The following KRAS variants were observed in gnomAD, a reference collection of about 807,000 sequenced individuals.
KRAS encodes KRas proto-oncogene, GTPase.
A neutral mutation model predicts 21.0 loss-of-function variants in KRAS; 1 was observed. The ratio of observed to expected loss-of-function variants is 0.05; its 90% CI spans 0.02 to 0.23. The LOEUF (loss-of-function observed/expected upper bound fraction) is 0.23. KRAS is among the 10% of genes least tolerant of loss of function. The probability of loss-of-function intolerance (pLI) is 1.00; values close to 1 mark genes in which losing one functional copy is unlikely to be tolerated. For missense variants in KRAS, 107 were observed against 221.8 expected (o/e 0.48, Z 3.29); for synonymous variants, 67 against 72.5 (o/e 0.92, Z 0.39).
Position 25,209,426 on chromosome 12 carries a change from A to T in KRAS, c.*369T>A, listed in dbSNP as rs2141481054. The T allele has an allele frequency of 9.8e-6, 10 of 1,025,516 alleles. No homozygotes were observed. Among genetic ancestry groups the T allele is most frequent in the South Asian group, 2.8e-5 (1 of 36,098 alleles). The allele number at this position is 1,025,516 out of a possible 1,614,324, so 63.5% of individuals were successfully genotyped here. On this transcript the variant is annotated 3_prime_UTR_variant, in exon 5 of 5. Transcript: ENST00000311936. ...GTAATTAATCCATTTATGTGACTAGATAAAACACAGAATAGGGATGATTCA... is the reference window on the plus strand; with the variant it reads ...GTAATTAATCCATTTATGTGACTAGTTAAAACACAGAATAGGGATGATTCA...
intron 4 of KRAS, among the ~76,000 whole-genome samples, chr12:25,220,376 T>C (rs1360077399): frequency 6.6e-6 from 1 of 152,216 alleles, no homozygotes; most frequent in Non-Finnish European, 1.5e-5. Context: ...GCCAAGTAAT[T>C]AGCTTTTTAA....
At position 25,205,338 on chromosome 12, in the gene KRAS, T is replaced by C. The variant is rs1383471172; in HGVS notation, c.*4457A>G. 6 of 213,960 alleles carry C rather than the reference T, an allele frequency of 2.8e-5. No individual in the cohort carries two copies. Among genetic ancestry groups the C allele is most frequent in the African/African-American group, 4.5e-5 (2 of 44,282 alleles). 13.3% of individuals were successfully genotyped at this position (213,960 alleles called of 1,614,324 possible). On this transcript the variant is annotated 3_prime_UTR_variant, in exon 5 of 5. Transcript: ENST00000311936. ...AAATTTTAGATCACTTCACAGCACA[T>C]ACTCCTATAAACATTTAAAAGTTAA...
At chr12:25,250,370 G>A (rs993886498) in intron 1 of KRAS, among the ~76,000 whole-genome samples, 4 of 152,132 alleles carry the variant, frequency 2.6e-5, no homozygotes, top group Non-Finnish European at 5.9e-5. Context: ...CCGGGGCGCC[G>A]CGGGAGTAAC....
intron 3 of KRAS, among the ~76,000 whole-genome samples, chr12:25,226,064 A>C (rs569500541): frequency 1.4e-4 from 21 of 152,344 alleles, no homozygotes; most frequent in African/African-American, 4.6e-4. Context: ...CTACTGAAAA[A>C]TTCTAGACCC....
chr12:25,242,589 G>A (rs1951624485), intron 2 of KRAS, among the ~76,000 whole-genome samples: 1 of 152,112 alleles, frequency 6.6e-6, no homozygotes, highest in African/African-American at 2.4e-5. Flanking sequence ...AGGTGATTAT[G>A]TGCACAGCCT....
chr12:25,229,853 C>T (rs1951442871), intron 2 of KRAS, among the ~76,000 whole-genome samples: 1 of 151,014 alleles, frequency 6.6e-6, no homozygotes, highest in Admixed American at 6.6e-5. Context: ...ACTACAACCT[C>T]TGCCTCCTGG....
chr12:25,222,382 C>A (rs560601775), intron 4 of KRAS, among the ~76,000 whole-genome samples: 1 of 151,784 alleles, frequency 6.6e-6, no homozygotes, highest in South Asian at 2.1e-4. Flanking sequence ...TTAATTTCAA[C>A]GGAGGAAGAT....
chr12:25,215,495 G>C (rs2141488892), intron 4 of KRAS: 1 of 1,611,272 alleles, frequency 6.2e-7, no homozygotes, highest in African/African-American at 1.3e-5. Flanking sequence ...TTTCTTCTTT[G>C]CTGATTTTTT....
At chr12:25,222,164 G>A (rs1261888866) in intron 4 of KRAS, among the ~76,000 whole-genome samples, 1 of 144,466 alleles carries the variant, frequency 6.9e-6, no homozygotes, top group African/African-American at 2.5e-5. Flanking sequence ...AAAAAAACAA[G>A]AAAGAAAGAA....
intron 4 of KRAS, among the ~76,000 whole-genome samples, chr12:25,216,877 T>C (rs1951261373): frequency 1.3e-5 from 2 of 152,190 alleles, no homozygotes; most frequent in African/African-American, 4.8e-5. Context: ...AATCTATATA[T>C]AGTGCAAATT....
rs1235652979 is a variant in KRAS, at chr12:25,208,644, AC to A, written c.*1150del. ...CTCTTGATTTGTCAGCAGGACCACC[AC>A]AGAGTGAGATTGTATCTTGTTGAGC... On this transcript the variant is annotated 3_prime_UTR_variant, in exon 5 of 5. Transcript: ENST00000311936. 3.9e-5 allele frequency: 9 copies of A among 233,024 alleles called. No homozygotes were observed. The East Asian group carries it at 4.3e-4, about 11-fold the overall frequency. 14.4% of individuals were successfully genotyped at this position (233,024 alleles called of 1,614,324 possible).
At chr12:25,241,990 A>G (rs1244782158) in intron 2 of KRAS, among the ~76,000 whole-genome samples, 1 of 152,224 alleles carries the variant, frequency 6.6e-6, no homozygotes, top group African/African-American at 2.4e-5. Context: ...TACATACTTC[A>G]TTCGTAGGTA....
chr12:25,230,274 A>T (rs1173358075), intron 2 of KRAS, among the ~76,000 whole-genome samples: 1 of 152,184 alleles, frequency 6.6e-6, no homozygotes, highest in Non-Finnish European at 1.5e-5. Context: ...GTGTTTAAAA[A>T]CTGGTAATAT....
chr12:25,233,939 T>C (rs180903321), intron 2 of KRAS: 325 of 193,284 alleles, frequency 1.7e-3, no homozygotes, highest in Non-Finnish European at 2.4e-3. Flanking sequence ...TCTCAAATAT[T>C]CTGAAGATAC....
At chr12:25,228,529 T>G (rs1033134441) in intron 2 of KRAS, among the ~76,000 whole-genome samples, 1 of 152,018 alleles carries the variant, frequency 6.6e-6, no homozygotes, top group Non-Finnish European at 1.5e-5. Flanking sequence ...AAATACCACA[T>G]AATTCCACTT....
intron 2 of KRAS, among the ~76,000 whole-genome samples, chr12:25,232,724 T>C (rs1382414742): frequency 1.3e-5 from 2 of 152,146 alleles, no homozygotes; most frequent in African/African-American, 2.4e-5. Context: ...GGAAAGTTAT[T>C]CCCCATAGTC....
At chr12:25,214,634 C>T (rs189238832) in intron 4 of KRAS, among the ~76,000 whole-genome samples, 2 of 152,030 alleles carry the variant, frequency 1.3e-5, no homozygotes, top group Admixed American at 6.6e-5. Context: ...GGTGATCACC[C>T]GCCTAGGCCT....
intron 4 of KRAS, among the ~76,000 whole-genome samples, chr12:25,220,406 G>A (rs1435306712): frequency 6.6e-6 from 1 of 152,106 alleles, no homozygotes; most frequent in East Asian, 1.9e-4. Context: ...TTATTAAGTT[G>A]GTAAAAATAT....
chr12:25,210,287 T>C (rs1951188734), intron 4 of KRAS, among the ~76,000 whole-genome samples: 1 of 152,172 alleles, frequency 6.6e-6, no homozygotes, highest in African/African-American at 2.4e-5. Flanking sequence ...CTTATGTTTC[T>C]GGACTTTAGA....
Sources: allele counts gnomAD v4.1 joint callset (sites outside exome capture counted in the v4.1 genomes callset), GRCh38; gene constraint gnomAD v4.1.1; transcripts MANE v1.5; gene names NCBI Gene and HGNC (gene_info 2026-07-23, HGNC 2026-07-21).